Variants in NUMA1 observed in about 807,000 individuals in gnomAD.
The protein encoded by NUMA1 is nuclear mitotic apparatus protein 1.
NUMA1 carries 62 observed loss-of-function variants against 237.1 expected under a neutral mutation model. The observed-to-expected ratio is 0.26, with a 90% CI of 0.21 to 0.32. The LOEUF (loss-of-function observed/expected upper bound fraction) is 0.32. Among genes scored for constraint, NUMA1 ranks in the 10% least tolerant of loss-of-function variants. The pLI is 1.00. For synonymous variants in NUMA1, 1,028 were observed against 1,066.1 expected (o/e 0.96, Z 0.70); for missense variants, 2,533 against 2,666.5 (o/e 0.95, Z 1.10).
At position 72,004,789 on chromosome 11, in the gene NUMA1, C is replaced by A. The variant is rs1955566264; in HGVS notation, c.5857G>T (p.Asp1953Tyr). ...GGGTCTCCAGTTTTCATCTCCTCATCTGTGATGGTGCCCAGGCTCAGGGAA... is the reference window on the plus strand; with the variant it reads ...GGGTCTCCAGTTTTCATCTCCTCATATGTGATGGTGCCCAGGCTCAGGGAA... Reference protein sequence around the residue: ...RPSLSLGTITDEEMKTGDPQE... With the variant: ...RPSLSLGTITYEEMKTGDPQE... The change falls in exon 24 of 27, where the codon GAT becomes TAT. Residue 1953 changes from aspartate to tyrosine, a missense_variant. Physicochemically the swap from Asp to Tyr is radical, Grantham distance 160. Around this residue, in one of 3 missense-constraint regions of NUMA1, gnomAD observed 795 missense variants for 750.8 expected, o/e 1.06. Coordinates refer to ENST00000393695, the MANE Select transcript of NUMA1 (RefSeq NM_006185.4). 6.3e-7 allele frequency: 1 copy of A among 1,589,944 alleles called. No homozygotes were observed. The highest frequency in any genetic ancestry group is 8.6e-7 in the Non-Finnish European group (1 of 1,168,570).
intron 2 of NUMA1, chr11:72,050,831 C>T (rs1170822061): frequency 5.9e-5 from 9 of 151,594 alleles, no homozygotes; most frequent in Admixed American, 5.9e-4. Context: ...GCTTCTGCCA[C>T]AGCTCATGAA....
At chr11:72,006,762 C>T (rs1437691160) in intron 21 of NUMA1, among the ~76,000 whole-genome samples, 2 of 152,166 alleles carry the variant, frequency 1.3e-5, no homozygotes, top group African/African-American at 4.8e-5. Context: ...CCTGCTGTAC[C>T]AGGGGCCCCT....
chr11:72,021,910 G>A (rs887856190), intron 7 of NUMA1, among the ~76,000 whole-genome samples: 2 of 152,092 alleles, frequency 1.3e-5, no homozygotes, highest in African/African-American at 4.8e-5. Context: ...CACCACGCCC[G>A]GCCAGGAAGC....
chr11:72,007,636 GCTC>G (rs1353538767), intron 20 of NUMA1: 14 of 652,814 alleles, frequency 2.1e-5, no homozygotes, highest in East Asian at 1.1e-4. Flanking sequence ...TCTCCTAATA[GCTC>G]CTCATAGTGG....
chr11:72,019,342 A>C (rs1304066398), intron 9 of NUMA1, 152 bp downstream of exon 9: 2 of 1,049,134 alleles, frequency 1.9e-6, no homozygotes, highest in Admixed American at 2.5e-5. Flanking sequence ...CACTTCCCCC[A>C]GTTAATACTG....
chr11:72,040,644 C>T, intron 2 of NUMA1: 1 of 152,462 alleles, frequency 6.6e-6, no homozygotes, highest in Non-Finnish European at 1.5e-5. Context: ...CTCTCCTGAG[C>T]TGTCTCTACA....
intron 15 of NUMA1, 70 bp from the exon 16 acceptor site, chr11:72,012,512 G>T: frequency 6.9e-7 from 1 of 1,451,160 alleles, no homozygotes; most frequent in Non-Finnish European, 9.6e-7. Context: ...CTGCTGCCAG[G>T]CTGACCTCAC....
At chr11:72,077,241 A>G (rs1267546892) in intron 1 of NUMA1, among the ~76,000 whole-genome samples, 1 of 152,234 alleles carries the variant, frequency 6.6e-6, no homozygotes, top group East Asian at 1.9e-4. Context: ...GTGAAAAGAT[A>G]TGAAATTTCA....
chr11:72,040,654 A>G (rs1941568449), intron 2 of NUMA1: 1 of 152,240 alleles, frequency 6.6e-6, no homozygotes, highest in African/African-American at 2.4e-5. Context: ...CTGTCTCTAC[A>G]GCTCAACGTG....
chr11:72,038,271 C>G (rs529135676), intron 2 of NUMA1, among the ~76,000 whole-genome samples: 1 of 152,316 alleles, frequency 6.6e-6, no homozygotes, highest in Admixed American at 6.5e-5. Flanking sequence ...AGAGGCAAAA[C>G]ATACAACCCT....
rs188721648 is a variant in NUMA1 at position 72,065,109 on chromosome 11, G to T, written c.-33+4733C>A. 8 of 151,910 alleles carry T rather than the reference G, an allele frequency of 5.3e-5. No homozygotes were observed. In the East Asian group the frequency reaches 1.5e-3, roughly 29 times the overall value. The allele number at this position is 151,910 out of a possible 1,614,324, so 9.4% of individuals were successfully genotyped here. A position where few individuals can be genotyped will look rare whatever the true frequency, so the allele number is the denominator to read the frequency against. On this transcript the variant is annotated intron_variant, in intron 2 of 26. Transcript: ENST00000393695. ...TAAATAGTACCATCATATACAATTA[G>T]GAAAAAATTACTTTCATATTGTTTA...
chr11:72,029,382 T>C (rs1377029069), intron 3 of NUMA1, 92 bp from the exon 4 acceptor site: 6 of 702,290 alleles, frequency 8.5e-6, no homozygotes, highest in East Asian at 2.9e-5. Flanking sequence ...CTTACAGTTG[T>C]AGACTATAGG....
In NUMA1 at chr11:72,006,073, C is replaced by T. The variant is rs114826188; in HGVS notation, c.5654G>A (p.Arg1885His). The T allele has an allele frequency of 7.6e-5, 123 of 1,613,770 alleles. No homozygotes were observed. The African/African-American group carries it at 1.0e-3, about 13-fold the overall frequency. Residue 1885 changes from arginine (R) to histidine (H), a missense_variant, in exon 22 of 27, where the codon CGT (arginine) becomes CAT (histidine). Around this residue, in one of 3 missense-constraint regions of NUMA1, gnomAD observed 795 missense variants for 750.8 expected, o/e 1.06. Coordinates refer to ENST00000393695, the MANE Select transcript of NUMA1 (RefSeq NM_006185.4). ...ACTGGACACCCCGGCCTGGGAACGA[C>T]GAGCAGAACTGCGAGTGGTGGGGCG... ...GYRPTTRSSA[R>H]RSQAGVSSGA...
chr11:72,038,860 T>C (rs554479291), intron 2 of NUMA1, among the ~76,000 whole-genome samples: 5 of 151,150 alleles, frequency 3.3e-5, no homozygotes, highest in South Asian at 2.1e-4. Context: ...GGAGTTCCCA[T>C]CTACCTGATT....
chr11:72,017,628 C>T (rs749136599), intron 13 of NUMA1, 59 bp downstream of exon 13: 2 of 1,603,024 alleles, frequency 1.2e-6, no homozygotes, highest in Non-Finnish European at 1.7e-6. Flanking sequence ...CAGTGGTAAA[C>T]TGGACTCAGC....
chr11:72,054,051 A>G (rs1259719018), intron 2 of NUMA1, among the ~76,000 whole-genome samples: 1 of 152,182 alleles, frequency 6.6e-6, no homozygotes, highest in Non-Finnish European at 1.5e-5. Flanking sequence ...ACCAATCCCC[A>G]CAGATGCTGA....
Position 72,003,221 on chromosome 11 carries a change from C to A in NUMA1, c.*306G>T, listed in dbSNP as rs1955381698. On this transcript the variant is annotated 3_prime_UTR_variant, in exon 27 of 27. Transcript: ENST00000393695. ...GAGGAAGACTGGCCAGGCCCAAGGACCCAGCCATCAAAACCAGCCTCAAAT... is the reference window on the plus strand; with the variant it reads ...GAGGAAGACTGGCCAGGCCCAAGGAACCAGCCATCAAAACCAGCCTCAAAT... 2.2e-6 allele frequency: 1 copy of A among 462,294 alleles called. No homozygotes were observed. The allele number at this position is 462,294 out of a possible 1,614,324, so 28.6% of individuals were successfully genotyped here.
At position 72,006,123 on chromosome 11, in the gene NUMA1, T is replaced by C. The variant is rs916389335; in HGVS notation, c.5604A>G (p.Ser1868=). 2 of 1,614,006 alleles carry C rather than the reference T, an allele frequency of 1.2e-6. No homozygotes were observed. Among genetic ancestry groups the C allele is most frequent in the African/African-American group, 2.7e-5 (2 of 74,916 alleles). ...ARLGSPDYGN[S]ALLSLPGYRP... ...GGTAGCCAGGCAAGCTGAGCAGGGC[T>C]GAGTTGCCATAATCGGGAGAACCCA... is the stretch of plus-strand genomic sequence containing the variant. The change falls in exon 22 of 27, where the codon TCA becomes TCG. Residue 1868 remains serine, a synonymous_variant. Transcript: ENST00000393695.
At chr11:72,007,508 G>T in intron 20 of NUMA1, 73 bp from the exon 21 acceptor site, 1 of 1,555,862 alleles carries the variant, frequency 6.4e-7, no homozygotes, top group South Asian at 1.2e-5. Context: ...TTTTGAAAGT[G>T]ACCATTTCCC....
Sources: allele counts gnomAD v4.1 joint callset (sites outside exome capture counted in the v4.1 genomes callset), GRCh38; gene constraint gnomAD v4.1.1; regional missense constraint gnomAD v4.1.1; transcripts MANE v1.5; gene names NCBI Gene and HGNC (gene_info 2026-07-23, HGNC 2026-07-21).